Variants in RAPGEF2 observed in about 807,000 individuals in gnomAD.
RAPGEF2 encodes the protein Rap guanine nucleotide exchange factor 2.
RAPGEF2 carries 54 observed loss-of-function variants against 186.7 expected under a neutral mutation model. The ratio of observed to expected loss-of-function variants is 0.29; its 90% confidence interval spans 0.23 to 0.36. The LOEUF is 0.36. Ranked by LOEUF, RAPGEF2 falls within the 10% of genes least tolerant of loss-of-function variation. The pLI is 1.00. For synonymous variants in RAPGEF2, 712 were observed against 705.9 expected, an observed-to-expected ratio of 1.01 and a Z score of -0.14; for missense variants, 1,532 against 2,045.0, an observed-to-expected ratio of 0.75 and a Z score of 4.84.
intron 4 of RAPGEF2, among the ~76,000 whole-genome samples, chr4:159,224,775 C>G (rs1296706959): frequency 6.6e-6 from 1 of 152,108 alleles, no homozygotes; most frequent in Non-Finnish European, 1.5e-5. Context: ...GAGACAGGAA[C>G]CTTATCTTAA....
intron 1 of RAPGEF2, among the ~76,000 whole-genome samples, chr4:159,154,535 C>T (rs1743914395): frequency 6.7e-6 from 1 of 149,886 alleles, no homozygotes; most frequent in Non-Finnish European, 1.5e-5. Context: ...AAACAACCAC[C>T]AAAAAACAAA....
intron 11 of RAPGEF2, among the ~76,000 whole-genome samples, chr4:159,326,312 A>C (rs1188185404): frequency 6.6e-6 from 1 of 152,218 alleles, no homozygotes; most frequent in Admixed American, 6.5e-5. Flanking sequence ...TTATTCATGC[A>C]TAAAATAGCC....
At chr4:159,161,853 C>A (rs12643203) in intron 1 of RAPGEF2, among the ~76,000 whole-genome samples, 53,273 of 152,082 alleles carry the variant, frequency 0.35, 10,765 homozygotes, top group East Asian at 0.6. Context: ...GATGGTGATA[C>A]CTTTCAAGAA....
intron 7 of RAPGEF2, among the ~76,000 whole-genome samples, chr4:159,257,466 C>T (rs1299192388): frequency 6.6e-6 from 1 of 152,120 alleles, no homozygotes; most frequent in Non-Finnish European, 1.5e-5. Flanking sequence ...AAAGACCCGC[C>T]CCATGATTTA....
At chr4:159,220,659 C>T (rs935582174) in intron 4 of RAPGEF2, among the ~76,000 whole-genome samples, 2 of 152,128 alleles carry the variant, frequency 1.3e-5, no homozygotes, top group Admixed American at 1.3e-4. Context: ...TATCACCTTC[C>T]CCCTACTCTG....
chr4:159,121,334 C>T (rs1739657353), intron 1 of RAPGEF2, among the ~76,000 whole-genome samples: 1 of 151,656 alleles, frequency 6.6e-6, no homozygotes, highest in African/African-American at 2.4e-5. Context: ...CTCTCCCCTC[C>T]CCTCCCCTCC....
At chr4:159,236,174 T>A (rs982357414) in intron 4 of RAPGEF2, among the ~76,000 whole-genome samples, 1 of 152,250 alleles carries the variant, frequency 6.6e-6, no homozygotes, top group Non-Finnish European at 1.5e-5. Context: ...TGTTCACATC[T>A]TTGTGACGGT....
intron 1 of RAPGEF2, among the ~76,000 whole-genome samples, chr4:159,104,527 GGAGAGACAGAGAGA>G (rs1321593628): frequency 3.4e-5 from 3 of 88,502 alleles, no homozygotes; most frequent in African/African-American, 1.3e-4. Context: ...AGAGAGAGAG[GGAGAGACAGAGAGA>G]GAGAGAGAGA....
intron 4 of RAPGEF2, among the ~76,000 whole-genome samples, chr4:159,232,076 T>C (rs1752704254): frequency 6.6e-6 from 1 of 152,208 alleles, no homozygotes; most frequent in Non-Finnish European, 1.5e-5. Flanking sequence ...CCAGATATCC[T>C]GTCTATAGTT....
At chr4:159,265,769 T>C (rs1314437928) in intron 7 of RAPGEF2, among the ~76,000 whole-genome samples, 2 of 152,158 alleles carry the variant, frequency 1.3e-5, no homozygotes, top group South Asian at 4.1e-4. Flanking sequence ...AAGGAGACTT[T>C]TGCAGTTCTC....
chr4:159,330,556 T>C (rs1189958222), intron 13 of RAPGEF2, 58 bp downstream of exon 13: 7 of 1,231,930 alleles, frequency 5.7e-6, no homozygotes, highest in African/African-American at 1.6e-5. Context: ...AAAGATACTT[T>C]AATGTGTATA....
Position 159,295,744 on chromosome 4 carries a change from TGTGTGTGTGTGCGCGCGC to T in RAPGEF2, c.544-8596_544-8579del, listed in dbSNP as rs781116562. On this transcript the variant is annotated intron_variant, in intron 7 of 29. Transcript: ENST00000691494. ...GAGTGTGTGTGTGTGTGTGTGTGTG[TGTGTGTGTGTGCGCGCGC>T]GCGCGCGCGCGCATGCACATAATGT... Among the ~76,000 whole-genome samples the T allele has an allele frequency of 2.1e-3, 276 of 132,726 alleles. 2 individuals are homozygous for T. Among genetic ancestry groups the T allele is most frequent in the Non-Finnish European group, 3.0e-3 (188 of 62,990 alleles). The allele number at this position is 132,726 out of a possible 152,430, so 87.1% of individuals were successfully genotyped here.
At chr4:159,222,829 A>G (rs1471236001) in intron 4 of RAPGEF2, among the ~76,000 whole-genome samples, 1 of 152,156 alleles carries the variant, frequency 6.6e-6, no homozygotes, top group African/African-American at 2.4e-5. Context: ...TGTGAAGGAA[A>G]TTATACTCTG....
chr4:159,307,228 G>A (rs1763409822), intron 8 of RAPGEF2, among the ~76,000 whole-genome samples: 1 of 152,096 alleles, frequency 6.6e-6, no homozygotes, highest in Non-Finnish European at 1.5e-5. Flanking sequence ...TTTAGTCAGT[G>A]CTGTTTTTAT....
intron 1 of RAPGEF2, among the ~76,000 whole-genome samples, chr4:159,178,444 G>T (rs1315639182): frequency 6.6e-6 from 1 of 151,782 alleles, no homozygotes; most frequent in African/African-American, 2.4e-5. Flanking sequence ...TTGTAAGTTT[G>T]CTATGAAGCC....
At chr4:159,315,178 A>G (rs1230618992) in intron 9 of RAPGEF2, among the ~76,000 whole-genome samples, 1 of 152,010 alleles carries the variant, frequency 6.6e-6, no homozygotes. Flanking sequence ...ATTTGCTTCT[A>G]CTCTGGTTTT....
intron 7 of RAPGEF2, among the ~76,000 whole-genome samples, chr4:159,284,890 A>G (rs576459587): frequency 3.9e-5 from 6 of 152,236 alleles, no homozygotes; most frequent in African/African-American, 1.2e-4. Context: ...TGTCTCTACA[A>G]AAAAACTGAA....
At chr4:159,256,907 A>AT (rs553174378) in intron 7 of RAPGEF2, among the ~76,000 whole-genome samples, 2 of 151,510 alleles carry the variant, frequency 1.3e-5, no homozygotes, top group East Asian at 3.9e-4. Context: ...TTTCTTGTAA[A>AT]TTTTTTTTGT....
intron 1 of RAPGEF2, among the ~76,000 whole-genome samples, chr4:159,114,693 A>G (rs781629740): frequency 6.6e-6 from 1 of 152,248 alleles, no homozygotes; most frequent in African/African-American, 2.4e-5. Context: ...AGAATATTCC[A>G]TGTATGTTAA....
Sources: allele counts gnomAD v4.1 joint callset (sites outside exome capture counted in the v4.1 genomes callset), GRCh38; gene constraint gnomAD v4.1.1; transcripts MANE v1.5; gene names NCBI Gene and HGNC (gene_info 2026-07-23, HGNC 2026-07-21).